NAALADL2: variants seen among roughly 807,000 people sequenced by gnomAD.
NAALADL2 encodes inactive N-acetylated-alpha-linked acidic dipeptidase-like protein 2.
Under a neutral mutation model 87.2 loss-of-function variants are expected in NAALADL2, and 76 were observed. The ratio of observed to expected loss-of-function variants is 0.87; its 90% CI spans 0.72 to 1.05. NAALADL2 has a LOEUF of 1.05. Among genes scored for constraint, NAALADL2 ranks in the 50% least tolerant of loss-of-function variants. The pLI is 0.00. For synonymous variants in NAALADL2, 354 were observed against 331.0 expected (o/e 1.07, Z -0.75); for missense variants, 1,089 against 945.8 (o/e 1.15, Z -1.99).
intron 2 of NAALADL2, among the ~76,000 whole-genome samples, chr3:175,136,344 G>T (rs1191210188): frequency 6.6e-6 from 1 of 152,180 alleles, no homozygotes; most frequent in Non-Finnish European, 1.5e-5. Context: ...TGGTGTCACT[G>T]TGTCTAGCTT....
intron 2 of NAALADL2, among the ~76,000 whole-genome samples, chr3:175,212,822 G>T (rs1044727573): frequency 1.3e-5 from 2 of 152,158 alleles, no homozygotes; most frequent in Non-Finnish European, 2.9e-5. Context: ...GATTCAGAAA[G>T]TTCGTATGAA....
chr3:174,566,008 T>C (rs989537433), intron 2 of NAALADL2, among the ~76,000 whole-genome samples: 3 of 151,968 alleles, frequency 2.0e-5, no homozygotes, highest in Non-Finnish European at 2.9e-5. Flanking sequence ...TTTCTTCATT[T>C]TGAATTGACC....
chr3:175,329,933 T>A (rs1024196743), intron 5 of NAALADL2, among the ~76,000 whole-genome samples: 1 of 152,196 alleles, frequency 6.6e-6, no homozygotes, highest in African/African-American at 2.4e-5. Flanking sequence ...ATTGTTTGAA[T>A]GTCTAGGATT....
At chr3:174,954,472 C>T (rs1220710302) in intron 1 of NAALADL2, among the ~76,000 whole-genome samples, 8 of 151,976 alleles carry the variant, frequency 5.3e-5, no homozygotes, top group Non-Finnish European at 1.5e-5. Flanking sequence ...GGAAATAAAC[C>T]TCAGGATATC....
chr3:175,600,053 A>T (rs1722746710), intron 10 of NAALADL2, among the ~76,000 whole-genome samples: 1 of 152,074 alleles, frequency 6.6e-6, no homozygotes, highest in Non-Finnish European at 1.5e-5. Context: ...CATGGAAATC[A>T]AACTGCACAT....
At chr3:175,466,953 T>C (rs778544091) in intron 7 of NAALADL2, 26 bp from the exon 8 acceptor site, 2 of 1,541,220 alleles carry the variant, frequency 1.3e-6, no homozygotes, top group Admixed American at 1.7e-5. Flanking sequence ...TTTTTTTAAA[T>C]GGCTCTTGTC....
At chr3:175,019,640 T>A (rs1417585212) in intron 1 of NAALADL2, among the ~76,000 whole-genome samples, 22 of 151,982 alleles carry the variant, frequency 1.4e-4, no homozygotes, top group African/African-American at 4.6e-4. Flanking sequence ...TTTCACTTCG[T>A]TGACCATTTT....
rs1457532478 is a variant in NAALADL2, at chr3:175,181,749, A to G, written c.546-52182A>G. On this transcript the variant is annotated intron_variant, in intron 2 of 13. Coordinates refer to ENST00000454872, the MANE Select transcript of NAALADL2 (RefSeq NM_207015.3). ...TATGTATATATGTGTATATATGTAT[A>G]TATATGTGTGTATATATGTGTGTAT... Among the ~76,000 whole-genome samples, 145 of 121,036 alleles carry G rather than the reference A, an allele frequency of 1.2e-3. 3 individuals are homozygous for G. Among genetic ancestry groups the G allele is most frequent in the Middle Eastern group, 0.012 (3 of 252 alleles). The allele number at this position is 121,036 out of a possible 152,430, so 79.4% of individuals were successfully genotyped here.
At chr3:174,975,004 T>TCG (rs930038952) in intron 1 of NAALADL2, among the ~76,000 whole-genome samples, 4 of 152,186 alleles carry the variant, frequency 2.6e-5, no homozygotes, top group African/African-American at 9.7e-5. Context: ...TTACAGTCAA[T>TCG]TTGTTTTTAA....
chr3:175,408,696 G>A (rs1043859937), intron 5 of NAALADL2, among the ~76,000 whole-genome samples: 6 of 151,864 alleles, frequency 4.0e-5, no homozygotes, highest in South Asian at 2.1e-4. Context: ...TTTATTTTGA[G>A]GGGCATAAAC....
At chr3:175,569,023 T>C (rs948999900) in intron 9 of NAALADL2, among the ~76,000 whole-genome samples, 2 of 152,228 alleles carry the variant, frequency 1.3e-5, no homozygotes, top group Admixed American at 6.5e-5. Flanking sequence ...TTGAATGGAA[T>C]GTTGAATTTC....
chr3:174,442,539 T>C (rs1443722968), intron 1 of NAALADL2, among the ~76,000 whole-genome samples: 1 of 152,200 alleles, frequency 6.6e-6, no homozygotes, highest in Non-Finnish European at 1.5e-5. Flanking sequence ...CTAACAAGAA[T>C]GAAATGTAAT....
chr3:175,057,828 T>G (rs1712546460), intron 1 of NAALADL2, among the ~76,000 whole-genome samples: 1 of 152,172 alleles, frequency 6.6e-6, no homozygotes, highest in Non-Finnish European at 1.5e-5. Context: ...AGACACTAAG[T>G]TATCCCCCTA....
At chr3:175,365,401 A>G (rs1268464041) in intron 5 of NAALADL2, among the ~76,000 whole-genome samples, 1 of 147,760 alleles carries the variant, frequency 6.8e-6, no homozygotes. Flanking sequence ...TTTACAGCAG[A>G]GAAAACTGAT....
intron 1 of NAALADL2, among the ~76,000 whole-genome samples, chr3:174,468,827 A>G (rs1351161162): frequency 6.9e-6 from 1 of 144,558 alleles, no homozygotes; most frequent in African/African-American, 2.6e-5. Context: ...CAGTGGCGCG[A>G]TCTAGGCTCA....
chr3:175,515,135 T>C (rs971534169), intron 9 of NAALADL2, among the ~76,000 whole-genome samples: 7 of 152,232 alleles, frequency 4.6e-5, no homozygotes, highest in East Asian at 1.9e-4. Context: ...ATCAATTTTC[T>C]CTTCTTCAAA....
At chr3:175,248,134 A>G (rs778132265) in intron 3 of NAALADL2, among the ~76,000 whole-genome samples, 91 of 152,172 alleles carry the variant, frequency 6.0e-4, no homozygotes, top group Non-Finnish European at 1.1e-3. Context: ...GAAAAATTAT[A>G]TGGGGAAAAA....
intron 11 of NAALADL2, among the ~76,000 whole-genome samples, chr3:175,728,457 A>G (rs1484968103): frequency 2.0e-5 from 3 of 152,160 alleles, no homozygotes; most frequent in African/African-American, 4.8e-5. Context: ...CTCTATGGAT[A>G]CTGCAGCTTT....
intron 1 of NAALADL2, among the ~76,000 whole-genome samples, chr3:174,982,601 C>T (rs1276609444): frequency 6.6e-6 from 1 of 152,118 alleles, no homozygotes; most frequent in East Asian, 1.9e-4. Context: ...TATCAATTTC[C>T]CCTGCCTAAT....
Sources: allele counts gnomAD v4.1 joint callset (sites outside exome capture counted in the v4.1 genomes callset), GRCh38; gene constraint gnomAD v4.1.1; transcripts MANE v1.5; gene names NCBI Gene and HGNC (gene_info 2026-07-23, HGNC 2026-07-21).